Variants in TENM2 observed in about 807,000 individuals in gnomAD.
TENM2 encodes the protein teneurin-2.
In TENM2, 52 loss-of-function variants were observed where a neutral mutation model predicts 245.2. The ratio of observed to expected loss-of-function variants is 0.21; its 90% CI spans 0.17 to 0.27. The LOEUF is 0.27. Among genes scored for constraint, TENM2 ranks in the 10% least tolerant of loss-of-function variants. The pLI, the probability that TENM2 is intolerant of heterozygous loss-of-function variation, is 1.00. For synonymous variants in TENM2, 1,363 were observed against 1,438.9 expected, an observed-to-expected ratio of 0.95 and a Z score of 1.19; for missense variants, 3,046 against 3,666.8, an observed-to-expected ratio of 0.83 and a Z score of 4.37.
the TENM2 span, among the ~76,000 whole-genome samples, chr5:167,107,983 G>C: frequency 6.6e-6 from 1 of 152,100 alleles, no homozygotes; most frequent in African/African-American, 2.4e-5. Flanking sequence ...GCAGCCAATG[G>C]ATATTTGTTT....
At chr5:167,326,565 C>CG (rs979461165) in intron 1 of TENM2, among the ~76,000 whole-genome samples, 8 of 151,646 alleles carry the variant, frequency 5.3e-5, no homozygotes, top group South Asian at 2.1e-4. Flanking sequence ...CCCAGCTACT[C>CG]GGGAGGCTGA....
intron 2 of TENM2, among the ~76,000 whole-genome samples, chr5:167,571,045 G>GA (rs1774236329): frequency 6.6e-6 from 1 of 152,186 alleles, no homozygotes; most frequent in Non-Finnish European, 1.5e-5. Flanking sequence ...GGTCAGAGTG[G>GA]AAAGAAGTCT....
chr5:168,151,275 C>T (rs1756636369), intron 12 of TENM2, among the ~76,000 whole-genome samples: 1 of 152,226 alleles, frequency 6.6e-6, no homozygotes, highest in Non-Finnish European at 1.5e-5. Flanking sequence ...TCATTTTTCT[C>T]ATTTTCATTT....
At chr5:167,929,065 GAAAGAA>G (rs1561945562) in intron 3 of TENM2, among the ~76,000 whole-genome samples, 1 of 4,928 alleles carries the variant, frequency 2.0e-4, no homozygotes, top group Non-Finnish European at 3.5e-4. Flanking sequence ...AAGAGAGAAA[GAAAGAA>G]AGAAAGAAAG....
chr5:167,220,479 T>G, the TENM2 span, among the ~76,000 whole-genome samples: 2 of 152,190 alleles, frequency 1.3e-5, no homozygotes, highest in Non-Finnish European at 2.9e-5. Context: ...CTCATTTTAT[T>G]TTACTGCTCA....
intron 4 of TENM2, among the ~76,000 whole-genome samples, chr5:167,984,660 A>G (rs577463169): frequency 1.1e-4 from 17 of 151,782 alleles, no homozygotes; most frequent in Admixed American, 2.0e-4. Context: ...GTCTTGGGGG[A>G]AAAAAAAATT....
intron 2 of TENM2, among the ~76,000 whole-genome samples, chr5:167,506,670 T>C (rs1769572710): frequency 1.3e-5 from 2 of 152,198 alleles, no homozygotes; most frequent in South Asian, 4.1e-4. Flanking sequence ...ATGCCCAATC[T>C]CATTATTAAG....
rs150970651 is a variant in TENM2, at chr5:168,025,731, G to A, written c.1187-21696G>A. On this transcript the variant is annotated intron_variant, in intron 5 of 28. Coordinates refer to ENST00000518659, the Ensembl canonical transcript of TENM2. ...GTCCTGTGGGGTTGCCAGAAATGCC[G>A]CCATTGAAGATGTGTTGGTATAAGT... is the stretch of plus-strand genomic sequence containing the variant. 1.3e-4 allele frequency among the ~76,000 whole-genome samples: 20 copies of A among 152,188 alleles called. No individual in the cohort carries two copies. The East Asian group carries it at 2.3e-3, about 18-fold the overall frequency.
At chr5:167,327,397 T>A (rs1481806114) in intron 1 of TENM2, among the ~76,000 whole-genome samples, 2 of 152,214 alleles carry the variant, frequency 1.3e-5, no homozygotes, top group African/African-American at 4.8e-5. Flanking sequence ...TGGCTCTTGC[T>A]CTTAATGAGT....
chr5:168,030,607 GC>G (rs1165276584), intron 5 of TENM2, among the ~76,000 whole-genome samples: 2 of 152,124 alleles, frequency 1.3e-5, no homozygotes, highest in African/African-American at 2.4e-5. Flanking sequence ...CAGACAGTGA[GC>G]TTTTTGAGGG....
chr5:167,776,593 G>GGAAAAAAAAAAAAA lies in TENM2; in HGVS notation c.503-99393_503-99392insGAAAAAAAAAAAAA, dbSNP rs1437587032. On this transcript the variant is annotated intron_variant, in intron 2 of 28. Transcript: ENST00000518659. ...TTGGGCAGCAGATGAGACCCTGTCTGAAAAAAAAAAAAAAAAAAAAAAAAA... is the reference window on the plus strand; with the variant it reads ...TTGGGCAGCAGATGAGACCCTGTCTGGAAAAAAAAAAAAAAAAAAAAAAAAAAAAAAAAAAAAAA... 1.1e-3 allele frequency among the ~76,000 whole-genome samples: 40 copies of GGAAAAAAAAAAAAA among 36,026 alleles called. 9 individuals are homozygous for GGAAAAAAAAAAAAA. The highest frequency in any genetic ancestry group is 3.5e-3 in the African/African-American group (40 of 11,440). 23.6% of individuals were successfully genotyped at this position (36,026 alleles called of 152,430 possible).
At chr5:167,830,519 A>G (rs889583927) in intron 2 of TENM2, among the ~76,000 whole-genome samples, 1 of 152,196 alleles carries the variant, frequency 6.6e-6, no homozygotes, top group Admixed American at 6.5e-5. Context: ...CCCCTGGCAT[A>G]ATGAAGTGAA....
intron 2 of TENM2, among the ~76,000 whole-genome samples, chr5:167,426,652 T>A (rs1225553242): frequency 1.3e-5 from 2 of 152,156 alleles, no homozygotes; most frequent in African/African-American, 4.8e-5. Flanking sequence ...ATTTTGTAGT[T>A]CACTAATTTG....
At chr5:167,224,828 CA>C in the TENM2 span, among the ~76,000 whole-genome samples, 1 of 151,896 alleles carries the variant, frequency 6.6e-6, no homozygotes, top group African/African-American at 2.4e-5. Flanking sequence ...TGTTCTAATC[CA>C]TAGGCATGGG....
At chr5:167,148,084 G>T in the TENM2 span, among the ~76,000 whole-genome samples, 1 of 152,238 alleles carries the variant, frequency 6.6e-6, no homozygotes, top group South Asian at 2.1e-4. Flanking sequence ...AACCCAACCA[G>T]CACTCTGAAA....
At chr5:167,471,643 C>G (rs542966315) in intron 2 of TENM2, among the ~76,000 whole-genome samples, 82 of 152,296 alleles carry the variant, frequency 5.4e-4, no homozygotes, top group African/African-American at 1.9e-3. Context: ...AATTACCATA[C>G]ACATTCAACA....
chr5:167,148,480 G>A, the TENM2 span, among the ~76,000 whole-genome samples: 22 of 152,128 alleles, frequency 1.4e-4, no homozygotes, highest in African/African-American at 5.3e-4. Context: ...AATGCCATTG[G>A]GCTACCAATG....
intron 3 of TENM2, among the ~76,000 whole-genome samples, chr5:167,900,142 G>A (rs966996966): frequency 5.1e-4 from 66 of 129,304 alleles, no homozygotes; most frequent in Non-Finnish European, 3.5e-4. Flanking sequence ...AAGGGGGGGG[G>A]GGTTTTGGAA....
chr5:167,362,617 A>G (rs1364866944), intron 1 of TENM2, among the ~76,000 whole-genome samples: 2 of 152,228 alleles, frequency 1.3e-5, no homozygotes, highest in African/African-American at 4.8e-5. Flanking sequence ...AGTGCTGTAA[A>G]TGCAAGTGTC....
Sources: allele counts gnomAD v4.1 joint callset (sites outside exome capture counted in the v4.1 genomes callset), GRCh38; gene constraint gnomAD v4.1.1; transcripts MANE v1.5; gene names NCBI Gene and HGNC (gene_info 2026-07-23, HGNC 2026-07-21).